LAMA2: variants seen among roughly 807,000 people sequenced by gnomAD.
LAMA2 encodes the protein laminin subunit alpha-2.
A neutral mutation model predicts 364.8 loss-of-function variants in LAMA2; 269 were observed. The observed-to-expected ratio is 0.74, with a 90% CI of 0.67 to 0.82. LAMA2 has a LOEUF of 0.82. Ranked by LOEUF, LAMA2 falls within the 40% of genes least tolerant of loss-of-function variation. The pLI is 0.00. For synonymous variants in LAMA2, 1,379 were observed against 1,370.6 expected (o/e 1.01, Z -0.14); for missense variants, 3,807 against 3,873.2 (o/e 0.98, Z 0.45).
At chr6:129,052,384 G>A (rs1053747927) in intron 2 of LAMA2, among the ~76,000 whole-genome samples, 2 of 150,244 alleles carry the variant, frequency 1.3e-5, no homozygotes, top group South Asian at 4.2e-4. Context: ...TCCTGATCTC[G>A]TGATATGCCC....
At chr6:129,368,627 G>A (rs1057000000) in intron 33 of LAMA2, among the ~76,000 whole-genome samples, 2 of 152,188 alleles carry the variant, frequency 1.3e-5, no homozygotes, top group Non-Finnish European at 2.9e-5. Context: ...ATGAAGTAAA[G>A]AGGATCCTAT....
chr6:129,296,455 AAATGTAAAGATGAG>A (rs1426407241), intron 20 of LAMA2, among the ~76,000 whole-genome samples: 16 of 152,124 alleles, frequency 1.1e-4, no homozygotes, highest in Non-Finnish European at 2.1e-4. Context: ...AACCAACAGT[AAATGTAAAGATGAG>A]AATGATCGTC....
intron 64 of LAMA2, among the ~76,000 whole-genome samples, chr6:129,515,566 T>C (rs754450296): frequency 6.6e-6 from 1 of 152,214 alleles, no homozygotes; most frequent in Non-Finnish European, 1.5e-5. Context: ...CCAACCTACT[T>C]AACCTTTAGG....
intron 58 of LAMA2, among the ~76,000 whole-genome samples, chr6:129,501,905 G>A (rs1785671926): frequency 6.6e-6 from 1 of 152,144 alleles, no homozygotes; most frequent in Non-Finnish European, 1.5e-5. Flanking sequence ...GCTTTGCAAG[G>A]CCCAGTGCAA....
chr6:129,053,975 G>A (rs1043627762), intron 2 of LAMA2, among the ~76,000 whole-genome samples: 4 of 152,146 alleles, frequency 2.6e-5, no homozygotes, highest in Non-Finnish European at 1.5e-5. Flanking sequence ...TGTCTCTCTA[G>A]AAGTAAAAAC....
intron 35 of LAMA2, 38 bp from the exon 36 acceptor site, chr6:129,391,453 T>G (rs1779313955): frequency 6.5e-7 from 1 of 1,531,956 alleles, no homozygotes; most frequent in Non-Finnish European, 9.0e-7. Context: ...GTGGCATGTT[T>G]GTTTACTAAT....
Position 129,383,172 on chromosome 6 carries a change from G to A in LAMA2, c.5010G>A (p.Arg1670=). ...DGEQTGQDAE[R]TNTRAKSLGE... ...AGCAGACCGGACAGGATGCTGAGAG[G>A]ACCAACACAAGAGCAAAGTCCCTGG... is the stretch of plus-strand genomic sequence containing the variant. Residue 1670 remains arginine (R), a synonymous_variant, in exon 35 of 65, where the codon AGG becomes AGA. Coordinates refer to ENST00000421865, the MANE Select transcript of LAMA2 (RefSeq NM_000426.4). 6.2e-7 allele frequency: 1 copy of A among 1,613,896 alleles called. No homozygotes were observed. Among genetic ancestry groups the A allele is most frequent in the Non-Finnish European group, 8.5e-7 (1 of 1,179,934 alleles).
chr6:129,134,205 A>G (rs1777657046), intron 4 of LAMA2, among the ~76,000 whole-genome samples: 1 of 152,086 alleles, frequency 6.6e-6, no homozygotes, highest in Non-Finnish European at 1.5e-5. Flanking sequence ...TTCTATCGGA[A>G]CTTTCTCTAG....
chr6:128,896,672 A>G (rs1776795722), intron 1 of LAMA2, among the ~76,000 whole-genome samples: 1 of 152,220 alleles, frequency 6.6e-6, no homozygotes, highest in African/African-American at 2.4e-5. Flanking sequence ...CTGAGAAAAC[A>G]TTATTCTAAA....
chr6:129,459,286 A>G (rs114751617), intron 48 of LAMA2, among the ~76,000 whole-genome samples: 2,452 of 152,182 alleles, frequency 0.016, 53 homozygotes, highest in African/African-American at 0.057. Flanking sequence ...AATTTTATGG[A>G]AGCACCATCA....
At chr6:129,221,156 C>T (rs2115097311) in intron 12 of LAMA2, among the ~76,000 whole-genome samples, 1 of 98,088 alleles carries the variant, frequency 1.0e-5, no homozygotes, top group East Asian at 2.5e-4. Flanking sequence ...GAGCAAGACT[C>T]CATCTCAAAA....
At chr6:129,240,453 C>A (rs1030677120) in intron 12 of LAMA2, among the ~76,000 whole-genome samples, 3 of 152,142 alleles carry the variant, frequency 2.0e-5, no homozygotes, top group Non-Finnish European at 4.4e-5. Context: ...ACTTGATAGG[C>A]CTTCAAATGT....
At chr6:128,900,014 T>C (rs1776987795) in intron 1 of LAMA2, among the ~76,000 whole-genome samples, 1 of 152,212 alleles carries the variant, frequency 6.6e-6, no homozygotes, top group Non-Finnish European at 1.5e-5. Flanking sequence ...TTTGTTTCTT[T>C]TTAGATACCA....
chr6:128,984,960 T>C (rs1055537357), intron 1 of LAMA2, among the ~76,000 whole-genome samples: 19 of 152,206 alleles, frequency 1.2e-4, no homozygotes, highest in African/African-American at 4.1e-4. Flanking sequence ...CGTGTGGATT[T>C]TCTACTAATT....
intron 22 of LAMA2, among the ~76,000 whole-genome samples, chr6:129,310,191 G>A (rs1316773390): frequency 2.0e-5 from 3 of 152,128 alleles, no homozygotes; most frequent in Non-Finnish European, 4.4e-5. Flanking sequence ...GAGCCACCGC[G>A]CCCGGCCGAT....
chr6:129,086,724 C>T lies in LAMA2; in HGVS notation c.397-11449C>T, dbSNP rs114345265. ...TTTCTTTTGTTAACACAACATATTA[C>T]CACAAACTTAATGGCTTAAAACCTC... On this transcript the variant is annotated intron_variant, in intron 3 of 64. Coordinates refer to ENST00000421865, the MANE Select transcript of LAMA2 (RefSeq NM_000426.4). 7.2e-3 allele frequency among the ~76,000 whole-genome samples: 1,095 copies of T among 152,276 alleles called. 15 individuals carry two copies. The highest frequency in any genetic ancestry group is 0.025 in the African/African-American group (1,038 of 41,548).
chr6:129,032,195 A>G (rs185275451), intron 1 of LAMA2, among the ~76,000 whole-genome samples: 1 of 152,346 alleles, frequency 6.6e-6, no homozygotes, highest in African/African-American at 2.4e-5. Flanking sequence ...AGTAATGAAC[A>G]AGGTAAACAA....
intron 55 of LAMA2, among the ~76,000 whole-genome samples, chr6:129,481,737 A>G (rs756801856): frequency 6.6e-6 from 1 of 152,210 alleles, no homozygotes; most frequent in Non-Finnish European, 1.5e-5. Context: ...CTTAAAATAT[A>G]TTCACATTAT....
chr6:129,260,907 T>C (rs1009279088), intron 15 of LAMA2, 85 bp downstream of exon 15: 34 of 826,026 alleles, frequency 4.1e-5, no homozygotes, highest in Non-Finnish European at 6.6e-5. Flanking sequence ...GAGCTGTTTT[T>C]TTTCTATCAA....
Sources: allele counts gnomAD v4.1 joint callset (sites outside exome capture counted in the v4.1 genomes callset), GRCh38; gene constraint gnomAD v4.1.1; transcripts MANE v1.5; gene names NCBI Gene and HGNC (gene_info 2026-07-23, HGNC 2026-07-21).